The following TLE2 variants were observed in gnomAD, a reference collection of about 807,000 sequenced individuals.
TLE2 encodes transducin-like enhancer protein 2.
A neutral mutation model predicts 97.2 loss-of-function variants in TLE2; 74 were observed. That is an observed-to-expected ratio of 0.76 (90% CI 0.63 to 0.92). The LOEUF is 0.92. TLE2 is among the 40% of genes least tolerant of loss of function. The probability of loss-of-function intolerance (pLI) is 0.00; values close to 1 mark genes in which losing one functional copy is unlikely to be tolerated. For synonymous variants in TLE2, 499 were observed against 432.1 expected, an observed-to-expected ratio of 1.15 and a Z score of -1.92; for missense variants, 1,038 against 1,008.7, an observed-to-expected ratio of 1.03 and a Z score of -0.39.
At position 3,028,692 on chromosome 19, in the gene TLE2, G is replaced by T. The variant is rs745457623; in HGVS notation, c.122+14C>A. 11 of 1,612,428 alleles carry T rather than the reference G, an allele frequency of 6.8e-6. No individual in the cohort carries two copies. Among genetic ancestry groups the T allele is most frequent in the Non-Finnish European group, 9.3e-6 (11 of 1,179,638 alleles). ...CAGGTGAACTCCCGCGGCCCCTGGG[G>T]CGGCCCCCCTCACCTGTGGTATTGA... On this transcript the variant is annotated intron_variant, in intron 2 of 19. Coordinates refer to ENST00000262953, the MANE Select transcript of TLE2 (RefSeq NM_003260.5).
At chr19:3,020,728 CATG>C (rs1315707424) in intron 5 of TLE2, 2 of 152,116 alleles carry the variant, frequency 1.3e-5, no homozygotes, top group African/African-American at 4.8e-5. Context: ...AAGCTTCTTC[CATG>C]ATGTGGTGGG....
intron 19 of TLE2, 27 bp from the exon 20 acceptor site, chr19:2,997,982 G>T: frequency 1.3e-6 from 2 of 1,531,736 alleles, no homozygotes; most frequent in Non-Finnish European, 9.0e-7. Context: ...GAGAGAAAAG[G>T]GCACAGTGAG....
chr19:3,019,288 G>T lies in TLE2; in HGVS notation c.545C>A (p.Ser182Tyr). The T allele has an allele frequency of 6.4e-7, 1 of 1,574,650 alleles. No homozygotes were observed. Among genetic ancestry groups the T allele is most frequent in the South Asian group, 1.2e-5 (1 of 86,612 alleles). ...ACCCCGTGCTGCCCACTCACCTCTG[G>T]ACCCCTCGGCCTCCACGCCCGCACG... ...EDRAGVEAEGSRVERAPSRSA... is the reference protein window; with the variant it reads ...EDRAGVEAEGYRVERAPSRSA... Residue 182 changes from serine (S) to tyrosine (Y), a missense_variant, in exon 7 of 20, where the codon TCC (serine) becomes TAC (tyrosine). Physicochemically the swap from Ser to Tyr is moderately radical, Grantham distance 144. Transcript: ENST00000262953. The surrounding 1 kb of genome is among the most constrained non-coding windows in gnomAD (Gnocchi z 5.1).
chr19:3,000,811 GTCTGGC>G (rs1284595069), intron 18 of TLE2, 88 bp from the exon 19 acceptor site: 1 of 933,098 alleles, frequency 1.1e-6, no homozygotes, highest in Non-Finnish European at 1.6e-6. Context: ...CTGGGTCTGG[GTCTGGC>G]CTCTCCCTTT....
In TLE2 at chr19:3,019,295, C is replaced by T. The variant is rs1026165319; in HGVS notation, c.538G>A (p.Glu180Lys). ...GCTGCCCACTCACCTCTGGACCCCTCGGCCTCCACGCCCGCACGGTCCTCC... is the reference window on the plus strand; with the variant it reads ...GCTGCCCACTCACCTCTGGACCCCTTGGCCTCCACGCCCGCACGGTCCTCC... The part of the protein sequence containing the change: ...VKEDRAGVEA[E>K]GSRVERAPSR... Residue 180 changes from glutamate to lysine, a missense_variant, in exon 7 of 20, where the codon GAG becomes AAG. Physicochemically the swap from Glu to Lys is moderately conservative, Grantham distance 56 (BLOSUM62 1). Transcript: ENST00000262953. The surrounding 1 kb of genome is among the most constrained non-coding windows in gnomAD (Gnocchi z 5.1). 40 of 1,575,922 alleles carry T rather than the reference C, an allele frequency of 2.5e-5. No homozygotes were observed. Among genetic ancestry groups the T allele is most frequent in the Non-Finnish European group, 2.7e-5 (32 of 1,169,428 alleles).
chr19:3,030,411 G>A (rs2090013785), upstream of TLE2, among the ~76,000 whole-genome samples: 1 of 152,164 alleles, frequency 6.6e-6, no homozygotes, highest in Non-Finnish European at 1.5e-5. Context: ...AGAAACCTCA[G>A]GAGAGGTTTG....
intron 1 of TLE2, among the ~76,000 whole-genome samples, chr19:3,034,542 A>G (rs185812674): frequency 1.3e-5 from 2 of 150,054 alleles, no homozygotes; most frequent in Non-Finnish European, 3.0e-5. Context: ...CCTGCTTGTT[A>G]TCTCTTCCTG....
chr19:2,998,243 GTGTGTGT>G (rs138332629), intron 19 of TLE2, among the ~76,000 whole-genome samples: 5,747 of 77,604 alleles, frequency 0.074, 379 homozygotes, highest in African/African-American at 0.26. Flanking sequence ...GCCAATGTGT[GTGTGTGT>G]GTGTGTGTGT....
intron 12 of TLE2, among the ~76,000 whole-genome samples, chr19:3,010,359 C>T (rs930964075): frequency 1.7e-4 from 24 of 141,862 alleles, no homozygotes; most frequent in African/African-American, 5.2e-4. Flanking sequence ...AGTGAAACTC[C>T]GTCTCAAAAA....
At chr19:2,998,652 G>A (rs537619614) in intron 19 of TLE2, among the ~76,000 whole-genome samples, 2 of 152,186 alleles carry the variant, frequency 1.3e-5, no homozygotes, top group Non-Finnish European at 1.5e-5. Context: ...GACCTCAGGC[G>A]ATCCACCGCC....
chr19:3,026,899 A>G (rs2089955738), intron 4 of TLE2, among the ~76,000 whole-genome samples: 1 of 152,098 alleles, frequency 6.6e-6, no homozygotes, highest in South Asian at 2.1e-4. Flanking sequence ...CTTGAGGTCT[A>G]TCTCTGAACC....
At chr19:3,012,143 C>T (rs533217034) in intron 11 of TLE2, among the ~76,000 whole-genome samples, 2 of 152,078 alleles carry the variant, frequency 1.3e-5, no homozygotes, top group South Asian at 4.1e-4. Flanking sequence ...CTACCCACTA[C>T]CCGGGAGGCT....
In TLE2 at chr19:3,008,916, T is replaced by A. The variant is rs1328143802; in HGVS notation, c.1203A>T (p.Arg401=). ...GTAGGGAGGAAGAGACGGATGACCC[T>A]CGGAGATGGGGATGAGACTCAAATG... ...VMAFESHPHL[R]GSSVSSSLPS... is the part of the protein sequence containing the mutation. The change falls in exon 14 of 20, where the codon CGA becomes CGT. Residue 401 remains arginine (R), a synonymous_variant. Transcript: ENST00000262953. 2 of 1,594,998 alleles carry A rather than the reference T, an allele frequency of 1.3e-6. No homozygotes were observed. Among genetic ancestry groups the A allele is most frequent in the Admixed American group, 3.5e-5 (2 of 57,944 alleles).
At chr19:3,023,282 C>A (rs1031755108) in intron 5 of TLE2, among the ~76,000 whole-genome samples, 2 of 152,170 alleles carry the variant, frequency 1.3e-5, no homozygotes, top group Non-Finnish European at 2.9e-5. Flanking sequence ...ATGACCCGCA[C>A]GCCTTGGCCT....
intron 4 of TLE2, 89 bp downstream of exon 4, chr19:3,027,740 T>C (rs2089969511): frequency 1.5e-6 from 2 of 1,359,828 alleles, no homozygotes; most frequent in African/African-American, 1.4e-5. Flanking sequence ...CTAGGTCTGC[T>C]CTGGCCCCGG....
chr19:3,006,345 C>G (rs1006183992), intron 15 of TLE2, 75 bp downstream of exon 15: 1 of 1,545,606 alleles, frequency 6.5e-7, no homozygotes, highest in Non-Finnish European at 8.7e-7. Context: ...GGCCAGCCTG[C>G]GAACACCGCC....
chr19:3,013,547 G>T, intron 11 of TLE2, 122 bp downstream of exon 11: 1 of 972,556 alleles, frequency 1.0e-6, no homozygotes, highest in Non-Finnish European at 1.4e-6. Flanking sequence ...CAGGGAAAGG[G>T]TGGACAATGC....
At position 3,002,465 on chromosome 19, in the gene TLE2, C is replaced by A. The variant is rs369846852; in HGVS notation, c.1935G>T (p.Leu645=). 73 of 1,600,996 alleles carry A rather than the reference C, an allele frequency of 4.6e-5. No individual in the cohort carries two copies. Among genetic ancestry groups the A allele is most frequent in the Non-Finnish European group, 5.9e-5 (69 of 1,174,114 alleles). ...CGTTGCTACTCTCCATTCCGACCGCCAGCCAGTCCTGGTTAGGGCAGTGGC... is the reference window on the plus strand; with the variant it reads ...CGTTGCTACTCTCCATTCCGACCGCAAGCCAGTCCTGGTTAGGGCAGTGGC... ...SLGHCPNQDW[L]AVGMESSNVE... is the part of the protein sequence containing the mutation. Residue 645 remains leucine, a synonymous_variant, in exon 18 of 20, where the codon CTG becomes CTT. Coordinates refer to ENST00000262953, the MANE Select transcript of TLE2 (RefSeq NM_003260.5).
rs746114921 is a variant in TLE2, at chr19:2,997,793, G to A, written c.*55C>T. ...AGGCGGCTGCTAGGATGTCTGTCCTGGCTGCTGATTCCCCTGGGAGTCTGG... is the reference window on the plus strand; with the variant it reads ...AGGCGGCTGCTAGGATGTCTGTCCTAGCTGCTGATTCCCCTGGGAGTCTGG... On this transcript the variant is annotated 3_prime_UTR_variant, in exon 20 of 20. Coordinates refer to ENST00000262953, the MANE Select transcript of TLE2 (RefSeq NM_003260.5). 26 of 1,335,020 alleles carry A rather than the reference G, an allele frequency of 1.9e-5. 3 individuals carry two copies. In the South Asian group the frequency reaches 2.6e-4, roughly 13 times the overall value. 82.7% of individuals were successfully genotyped at this position (1,335,020 alleles called of 1,614,324 possible). A position where few individuals can be genotyped will look rare whatever the true frequency, so the allele number is the denominator to read the frequency against.
Sources: gnomAD v4.1 joint callset for allele counts (sites outside exome capture counted in the v4.1 genomes callset) on GRCh38, gnomAD v4.1.1 for gene constraint, Gnocchi (gnomAD v3.1) non-coding constraint, MANE v1.5 for transcripts, NCBI Gene and HGNC (gene_info 2026-07-23, HGNC 2026-07-21) for gene names.